EIF4G3: variants seen among roughly 807,000 people sequenced by gnomAD.
EIF4G3 encodes eIF-4-gamma 3.
A neutral mutation model predicts 186.4 loss-of-function variants in EIF4G3; 34 were observed. That is an observed-to-expected ratio of 0.18 (90% CI 0.14 to 0.24). EIF4G3 has a LOEUF of 0.24. Ranked by LOEUF, EIF4G3 falls within the 10% of genes least tolerant of loss-of-function variation. EIF4G3 has a pLI of 1.00. For missense variants in EIF4G3, 1,536 were observed against 1,948.5 expected, an observed-to-expected ratio of 0.79 and a Z score of 3.99; for synonymous variants, 673 against 679.5, an observed-to-expected ratio of 0.99 and a Z score of 0.15.
chr1:20,824,673 T>C lies in EIF4G3; in HGVS notation c.4368+427A>G, dbSNP rs929293590. On this transcript the variant is annotated intron_variant, in intron 33 of 36. Transcript: ENST00000602326. ...GGGTATAAGACTGTGTCTACTTCCTTGCACTTATTTACCTGTGTAGTTTCA... is the reference window on the plus strand; with the variant it reads ...GGGTATAAGACTGTGTCTACTTCCTCGCACTTATTTACCTGTGTAGTTTCA... 2.0e-5 allele frequency among the ~76,000 whole-genome samples: 3 copies of C among 152,324 alleles called. No homozygotes were observed. In the South Asian group the frequency reaches 6.2e-4, roughly 32 times the overall value.
intron 2 of EIF4G3, among the ~76,000 whole-genome samples, chr1:21,097,577 T>C (rs7521675): frequency 0.37 from 56,225 of 151,986 alleles, 11,037 homozygotes; most frequent in Non-Finnish European, 0.43. Flanking sequence ...AAATTAACAC[T>C]TGAAAACCAA....
chr1:20,930,742 T>A (rs61781104), intron 14 of EIF4G3, among the ~76,000 whole-genome samples: 41,936 of 152,144 alleles, frequency 0.28, 7,403 homozygotes, highest in Non-Finnish European at 0.39. Flanking sequence ...TTCCATCACA[T>A]CTGCACTTAC....
At chr1:21,041,977 T>C in intron 4 of EIF4G3, among the ~76,000 whole-genome samples, 1 of 152,010 alleles carries the variant, frequency 6.6e-6, no homozygotes, top group South Asian at 2.1e-4. Context: ...TATAACAAAT[T>C]TCTTTTCTTT....
chr1:20,975,372 AAAAAAAC>A (rs1157970878), intron 10 of EIF4G3, among the ~76,000 whole-genome samples: 1 of 151,686 alleles, frequency 6.6e-6, no homozygotes, highest in East Asian at 1.9e-4. Flanking sequence ...TGATCTCTTA[AAAAAAAC>A]AAAAAACAAA....
chr1:21,135,851 C>T (rs2097231155), intron 2 of EIF4G3, among the ~76,000 whole-genome samples: 1 of 152,196 alleles, frequency 6.6e-6, no homozygotes, highest in Admixed American at 6.5e-5. Flanking sequence ...ATAGCATCTA[C>T]TTTATTACTA....
In EIF4G3 at chr1:20,900,152, C is replaced by T. The variant is rs553884950; in HGVS notation, c.1753-209G>A. On this transcript the variant is annotated intron_variant, in intron 15 of 36. Transcript: ENST00000602326. ...AGGAAAAGGAAGACCATTCAAATGG[C>T]TGCTGAAATGCTTTAACATGAGACT... 4.6e-5 allele frequency among the ~76,000 whole-genome samples: 7 copies of T among 152,244 alleles called. No homozygotes were observed. In the East Asian group the frequency reaches 1.3e-3, roughly 29 times the overall value.
Position 21,095,649 on chromosome 1 carries a change from TCAAAGAGCTTAGCCA to T in EIF4G3, c.-271-6451_-271-6437del, listed in dbSNP as rs750903868. ...TTTAACAAATCCAGAAACATTAGTC[TCAAAGAGCTTAGCCA>T]GAAAACCCCTTGTTCTGGCTCTGAT... On this transcript the variant is annotated intron_variant, in intron 2 of 36. Coordinates refer to ENST00000602326, the MANE Select transcript of EIF4G3 (RefSeq NM_001391906.1). Among the ~76,000 whole-genome samples the T allele has an allele frequency of 3.3e-3, 505 of 152,284 alleles. 1 individual carries two copies. Among genetic ancestry groups the T allele is most frequent in the Non-Finnish European group, 5.9e-3 (398 of 68,026 alleles).
intron 2 of EIF4G3, among the ~76,000 whole-genome samples, chr1:21,135,949 C>T (rs1288680931): frequency 1.3e-5 from 2 of 151,236 alleles, no homozygotes; most frequent in African/African-American, 4.9e-5. Flanking sequence ...TTTGGGAGGC[C>T]GAGGCGGGTG....
intron 7 of EIF4G3, among the ~76,000 whole-genome samples, chr1:20,988,813 G>C (rs1490231193): frequency 6.6e-6 from 1 of 151,616 alleles, no homozygotes; most frequent in Non-Finnish European, 1.5e-5. Flanking sequence ...AGTATATTTT[G>C]TAAGGCTACA....
intron 2 of EIF4G3, among the ~76,000 whole-genome samples, chr1:21,132,861 C>T (rs1052049419): frequency 1.5e-4 from 23 of 152,176 alleles, no homozygotes; most frequent in Admixed American, 1.4e-3. Context: ...TGGCTCACTG[C>T]AACTTCCGCC....
chr1:20,921,308 A>G (rs566715813), intron 14 of EIF4G3, among the ~76,000 whole-genome samples: 5 of 152,358 alleles, frequency 3.3e-5, no homozygotes, highest in Middle Eastern at 3.4e-3. Context: ...AGGATATTAT[A>G]AAACTAAAGT....
At chr1:21,046,486 T>C (rs1240317928) in intron 4 of EIF4G3, among the ~76,000 whole-genome samples, 2 of 152,232 alleles carry the variant, frequency 1.3e-5, no homozygotes, top group Non-Finnish European at 2.9e-5. Flanking sequence ...ATTTTCCCTC[T>C]TTCACGTTTC....
intron 3 of EIF4G3, among the ~76,000 whole-genome samples, chr1:21,056,059 G>A (rs1201797019): frequency 6.6e-6 from 1 of 152,118 alleles, no homozygotes; most frequent in Non-Finnish European, 1.5e-5. Context: ...AGCCTAAAGT[G>A]CTGTTCTTTC....
At chr1:21,020,790 G>A (rs1377541594) in intron 4 of EIF4G3, among the ~76,000 whole-genome samples, 2 of 152,168 alleles carry the variant, frequency 1.3e-5, no homozygotes, top group Non-Finnish European at 2.9e-5. Context: ...GATTTTTACT[G>A]AAACATGGAG....
At chr1:20,945,009 C>CAAACA (rs201926748) in intron 13 of EIF4G3, among the ~76,000 whole-genome samples, 35 of 152,074 alleles carry the variant, frequency 2.3e-4, no homozygotes, top group East Asian at 3.9e-4. Flanking sequence ...GACTCTATCT[C>CAAACA]AAACAAAACA....
intron 3 of EIF4G3, among the ~76,000 whole-genome samples, chr1:21,056,197 C>G (rs1446660850): frequency 6.6e-6 from 1 of 152,120 alleles, no homozygotes; most frequent in Non-Finnish European, 1.5e-5. Context: ...ATCAGATATT[C>G]TAAAAAGGCA....
chr1:21,087,630 CA>C (rs11359766), intron 3 of EIF4G3, among the ~76,000 whole-genome samples: 55,471 of 150,906 alleles, frequency 0.37, 10,721 homozygotes, highest in Non-Finnish European at 0.43. Context: ...TTGCCTCTAC[CA>C]AAAAAAATTT....
intron 4 of EIF4G3, among the ~76,000 whole-genome samples, chr1:21,036,532 A>C (rs573388601): frequency 2.0e-5 from 3 of 152,304 alleles, no homozygotes; most frequent in African/African-American, 7.2e-5. Context: ...AAAATCAGTT[A>C]CACAGAGATG....
intron 4 of EIF4G3, among the ~76,000 whole-genome samples, chr1:21,029,177 C>A (rs1284548407): frequency 6.6e-6 from 1 of 152,016 alleles, no homozygotes; most frequent in Admixed American, 6.6e-5. Flanking sequence ...ACAACCACAC[C>A]CAGCTAATGT....
Sources: gnomAD v4.1 joint callset for allele counts (sites outside exome capture counted in the v4.1 genomes callset) on GRCh38, gnomAD v4.1.1 for gene constraint, MANE v1.5 for transcripts, NCBI Gene and HGNC (gene_info 2026-07-23, HGNC 2026-07-21) for gene names.